The following HSPA12A variants were observed in gnomAD, a reference collection of about 807,000 sequenced individuals.
HSPA12A encodes heat shock protein family A (Hsp70) member 12A.
A neutral mutation model predicts 69.2 loss-of-function variants in HSPA12A; 28 were observed. The ratio of observed to expected loss-of-function variants is 0.40; its 90% CI spans 0.30 to 0.55. The LOEUF (loss-of-function observed/expected upper bound fraction) is 0.55. HSPA12A is among the 20% of genes least tolerant of loss of function. The pLI is 0.38. For synonymous variants in HSPA12A, 345 were observed against 370.5 expected (o/e 0.93, Z 0.79); for missense variants, 686 against 900.7 (o/e 0.76, Z 3.05).
At chr10:116,676,334 C>T in intron 11 of HSPA12A, 65 bp downstream of exon 11, 2 of 1,342,084 alleles carry the variant, frequency 1.5e-6, no homozygotes, top group South Asian at 1.2e-5. Context: ...GCTGGTGATG[C>T]TGGGAAAGCC....
At chr10:116,823,852 G>A (rs1310627089) in intron 2 of HSPA12A, among the ~76,000 whole-genome samples, 1 of 152,128 alleles carries the variant, frequency 6.6e-6, no homozygotes, top group African/African-American at 2.4e-5. Context: ...GTTAGCAATG[G>A]CTTCTTAGAT....
At position 116,705,224 on chromosome 10, in the gene HSPA12A, C is replaced by T. The variant is rs201440070; in HGVS notation, c.181G>A (p.Val61Ile). 208 of 1,614,158 alleles carry T rather than the reference C, an allele frequency of 1.3e-4. No individual in the cohort carries two copies. The African/African-American group carries it at 2.3e-3, about 18-fold the overall frequency. ...EQQSFLVVVA[V>I]DFGTTSSGYA... ...CCACTGGATGTGGTCCCAAAGTCGA[C>T]GGCCACCACCACGAGAAATGACTGC... Residue 61 changes from valine to isoleucine, a missense_variant, in exon 3 of 12, where the codon GTC becomes ATC. Transcript: ENST00000369209.
In HSPA12A at chr10:116,842,841, C is replaced by T. The variant is rs74325373; in HGVS notation, c.3+6725G>A. On this transcript the variant is annotated intron_variant, in intron 1 of 12. Transcript: ENST00000635765. ...TGGTTTTGAACTCCCGATCCACCTG[C>T]CTCAGCCTCCCAAAGTGTTGAGATT... is the stretch of plus-strand genomic sequence containing the variant. 3.6e-3 allele frequency among the ~76,000 whole-genome samples: 544 copies of T among 152,298 alleles called. 2 individuals are homozygous for T. The highest frequency in any genetic ancestry group is 0.012 in the African/African-American group (518 of 41,554).
At chr10:116,682,458 G>GGT (rs1554878762) in intron 7 of HSPA12A, among the ~76,000 whole-genome samples, 6 of 151,368 alleles carry the variant, frequency 4.0e-5, no homozygotes, top group African/African-American at 1.5e-4. Flanking sequence ...AATAGACTGG[G>GGT]GGGGGGGGCC....
Position 116,834,631 on chromosome 10 carries a change from G to A in HSPA12A, c.91+304C>T, listed in dbSNP as rs1040405741. Among the ~76,000 whole-genome samples the A allele has an allele frequency of 1.1e-4, 16 of 152,274 alleles. No homozygotes were observed. In the East Asian group the frequency reaches 2.3e-3, roughly 22 times the overall value. ...ACAGCACGAGGCCGGTAGGCTACCC[G>A]GATGCTAGGTCCACAATCTGTGCGT... On this transcript the variant is annotated intron_variant, in intron 2 of 12. Transcript: ENST00000635765.
chr10:116,687,413 G>A (rs1165188107), intron 6 of HSPA12A, among the ~76,000 whole-genome samples: 1 of 152,150 alleles, frequency 6.6e-6, no homozygotes, highest in Non-Finnish European at 1.5e-5. Context: ...CTCCTGTCCA[G>A]TGAGGGGCCG....
intron 1 of HSPA12A, 96 bp from the exon 2 acceptor site, chr10:116,707,381 G>T: frequency 1.1e-6 from 1 of 950,548 alleles, no homozygotes; most frequent in Non-Finnish European, 1.6e-6. Context: ...TCCAGGAACT[G>T]CGGCCTCTGC....
chr10:116,705,340 C>G, intron 2 of HSPA12A, 62 bp from the exon 3 acceptor site: 1 of 1,590,152 alleles, frequency 6.3e-7, no homozygotes, highest in South Asian at 1.1e-5. Flanking sequence ...CAGGAAGACA[C>G]CCCTGGGGGG....
rs1849996611 is a variant in HSPA12A, at chr10:116,698,865, A to C, written c.442-126T>G. 3 of 712,690 alleles carry C rather than the reference A, an allele frequency of 4.2e-6. No individual in the cohort carries two copies. The South Asian group carries it at 5.2e-5, about 12-fold the overall frequency. 44.1% of individuals were successfully genotyped at this position (712,690 alleles called of 1,614,324 possible). On this transcript the variant is annotated intron_variant, in intron 4 of 11. Transcript: ENST00000369209. Reference sequence around the variant, plus strand: ...GCCATGTCTGTGTTCCCCCATGCTTAAAGAGGCAGACTAGGATGGCGCATC... The same window carrying C: ...GCCATGTCTGTGTTCCCCCATGCTTCAAGAGGCAGACTAGGATGGCGCATC...
At chr10:116,842,612 G>C (rs1359828464) in intron 1 of HSPA12A, among the ~76,000 whole-genome samples, 1 of 150,664 alleles carries the variant, frequency 6.6e-6, no homozygotes, top group Non-Finnish European at 1.5e-5. Context: ...TAAAGAGTTT[G>C]TTTTTGTTTT....
chr10:116,841,594 T>C (rs145005451), intron 1 of HSPA12A, among the ~76,000 whole-genome samples: 286 of 152,306 alleles, frequency 1.9e-3, no homozygotes, highest in Middle Eastern at 0.01. Flanking sequence ...CCTTAAATAA[T>C]TGTGGAAGTA....
chr10:116,780,667 G>A (rs2166635), intron 2 of HSPA12A, among the ~76,000 whole-genome samples: 6,805 of 152,044 alleles, frequency 0.045, 418 homozygotes, highest in African/African-American at 0.14. Flanking sequence ...TTGTTAATAC[G>A]ATTATCAAAT....
At chr10:116,841,713 AT>A (rs1314514176) in intron 1 of HSPA12A, among the ~76,000 whole-genome samples, 11 of 152,166 alleles carry the variant, frequency 7.2e-5, no homozygotes, top group African/African-American at 2.7e-4. Flanking sequence ...GCTAAAAAAA[AT>A]ACTGAGAATT....
At chr10:116,721,166 C>T (rs1298491861) in intron 1 of HSPA12A, among the ~76,000 whole-genome samples, 1 of 152,218 alleles carries the variant, frequency 6.6e-6, no homozygotes, top group Non-Finnish European at 1.5e-5. Flanking sequence ...TAACTTTAGA[C>T]TTTGCTAAGT....
chr10:116,696,999 A>AC (rs1179136358), intron 5 of HSPA12A, among the ~76,000 whole-genome samples: 1 of 150,880 alleles, frequency 6.6e-6, no homozygotes, highest in Non-Finnish European at 1.5e-5. Context: ...ACCCACAGTT[A>AC]CCCCCTCACC....
At chr10:116,749,970 A>G (rs551004132) in intron 2 of HSPA12A, 47 of 192,748 alleles carry the variant, frequency 2.4e-4, no homozygotes, top group Non-Finnish European at 4.3e-4. Flanking sequence ...TTTAGAAGAC[A>G]AGAGGGTAAA....
At chr10:116,786,114 G>A (rs939251746) in intron 2 of HSPA12A, among the ~76,000 whole-genome samples, 9 of 152,178 alleles carry the variant, frequency 5.9e-5, no homozygotes, top group African/African-American at 1.9e-4. Flanking sequence ...GGAGCCTCTC[G>A]GGTAATTACG....
intron 1 of HSPA12A, among the ~76,000 whole-genome samples, chr10:116,838,166 G>GAA (rs949903819): frequency 2.6e-5 from 4 of 151,930 alleles, no homozygotes; most frequent in African/African-American, 9.7e-5. Flanking sequence ...CTAGGCACAG[G>GAA]AAAGTGGGTT....
chr10:116,784,670 C>G (rs973962126), intron 2 of HSPA12A, among the ~76,000 whole-genome samples: 1 of 152,328 alleles, frequency 6.6e-6, no homozygotes. Context: ...TGCTCCTTCC[C>G]GTTCCCTCCA....
Sources: allele counts gnomAD v4.1 joint callset (sites outside exome capture counted in the v4.1 genomes callset), GRCh38; gene constraint gnomAD v4.1.1; transcripts MANE v1.5; gene names NCBI Gene and HGNC (gene_info 2026-07-23, HGNC 2026-07-21).